BTG4: variants seen among roughly 807,000 people sequenced by gnomAD.
BTG4 encodes BTG anti-proliferation factor 4, also known as protein BTG4.
A neutral mutation model predicts 19.3 loss-of-function variants in BTG4; 10 were observed. The observed-to-expected ratio is 0.52, with a 90% confidence interval of 0.32 to 0.88. BTG4 has a LOEUF of 0.88. BTG4 is among the 40% of genes least tolerant of loss of function. The pLI is 0.04. For missense variants in BTG4, 238 were observed against 281.9 expected, an observed-to-expected ratio of 0.84 and a Z score of 1.11; for synonymous variants, 91 against 95.7, an observed-to-expected ratio of 0.95 and a Z score of 0.29.
chr11:111,384,106 T>C, the BTG4 span, among the ~76,000 whole-genome samples: 1 of 152,246 alleles, frequency 6.6e-6, no homozygotes, highest in Admixed American at 6.5e-5. Flanking sequence ...GTTTTATTTA[T>C]TCTAATAGTT....
the BTG4 span, among the ~76,000 whole-genome samples, chr11:111,405,301 G>A: frequency 6.6e-6 from 1 of 150,676 alleles, no homozygotes; most frequent in African/African-American, 2.4e-5. Flanking sequence ...CTACTTGGGA[G>A]GCTGAGGCAG....
chr11:111,416,439 C>A, the BTG4 span: 4 of 152,004 alleles, frequency 2.6e-5, no homozygotes, highest in African/African-American at 9.7e-5. Flanking sequence ...GCATACACAC[C>A]CCAGACCTCA....
chr11:111,434,728 T>G, the BTG4 span, among the ~76,000 whole-genome samples: 1 of 149,680 alleles, frequency 6.7e-6, no homozygotes, highest in African/African-American at 2.5e-5. Context: ...AGTTTGTCCG[T>G]AGTGAATTAG....
At chr11:111,495,674 A>C (rs938307181) in intron 4 of BTG4, among the ~76,000 whole-genome samples, 13 of 152,312 alleles carry the variant, frequency 8.5e-5, no homozygotes, top group Admixed American at 6.5e-4. Context: ...TAAACACCTA[A>C]GATGATGGAT....
At chr11:111,432,873 G>A in the BTG4 span, among the ~76,000 whole-genome samples, 1 of 146,122 alleles carries the variant, frequency 6.8e-6, no homozygotes, top group South Asian at 2.2e-4. Flanking sequence ...TTTCTTTTTT[G>A]TAGAGACAAG....
chr11:111,456,341 C>T, the BTG4 span, among the ~76,000 whole-genome samples: 2 of 152,132 alleles, frequency 1.3e-5, no homozygotes, highest in Non-Finnish European at 2.9e-5. This position sits in a 1 kb window ranked among gnomAD's most constrained non-coding sequence, Gnocchi z 4.2. Flanking sequence ...TGGAATACTG[C>T]TCTGGAGTTA....
the BTG4 span, among the ~76,000 whole-genome samples, chr11:111,421,516 C>T: frequency 6.6e-6 from 1 of 152,194 alleles, no homozygotes; most frequent in Non-Finnish European, 1.5e-5. Flanking sequence ...CATCTGGCTA[C>T]CAATTAACTG....
chr11:111,511,776 A>T (rs1653705924), intron 1 of BTG4, among the ~76,000 whole-genome samples: 1 of 152,102 alleles, frequency 6.6e-6, no homozygotes, highest in African/African-American at 2.4e-5. Flanking sequence ...TGAATATCCA[A>T]ATGTACTCGT....
At chr11:111,424,810 T>G in the BTG4 span, among the ~76,000 whole-genome samples, 5 of 152,128 alleles carry the variant, frequency 3.3e-5, 1 homozygote, top group African/African-American at 1.2e-4. Flanking sequence ...ATACAAAAAT[T>G]AGCCAGGCGT....
At chr11:111,499,145 A>T (rs1865916148) in intron 1 of BTG4, among the ~76,000 whole-genome samples, 1 of 152,260 alleles carries the variant, frequency 6.6e-6, no homozygotes, top group Non-Finnish European at 1.5e-5. Context: ...TTTTAAAGAT[A>T]TATTAACAAA....
the BTG4 span, chr11:111,455,028 G>C: frequency 2.2e-6 from 1 of 456,144 alleles, no homozygotes; most frequent in East Asian, 6.9e-5. Flanking sequence ...GGGGAACAAG[G>C]CGCTGCCTCC....
chr11:111,443,453 G>A, the BTG4 span, among the ~76,000 whole-genome samples: 1 of 152,142 alleles, frequency 6.6e-6, no homozygotes, highest in African/African-American at 2.4e-5. Flanking sequence ...AAGAGAAGAA[G>A]CTGGGTGTGA....
chr11:111,465,610 T>G (rs1863673302), downstream of BTG4, among the ~76,000 whole-genome samples: 1 of 152,188 alleles, frequency 6.6e-6, no homozygotes, highest in Non-Finnish European at 1.5e-5. Context: ...TCAGCTGGAA[T>G]TCAATCCCCA....
At chr11:111,503,234 T>C (rs1489982109) in intron 1 of BTG4, among the ~76,000 whole-genome samples, 1 of 152,198 alleles carries the variant, frequency 6.6e-6, no homozygotes, top group African/African-American at 2.4e-5. Context: ...ATGTTATCAT[T>C]GAAAGAATGA....
Position 111,498,721 on chromosome 11 carries a change from T to G in BTG4, c.56A>C (p.His19Pro), listed in dbSNP as rs767794533. The stretch of plus-strand genomic sequence containing the variant: ...TATTTGCTGTTTACTTAGTTTATCA[T>G]GTTTTTTCACCAATCTTGTGACAAA... ...VFFVTRLVKK[H>P]DKLSKQQIED... Residue 19 changes from histidine to proline, a missense_variant, in exon 2 of 5, where the codon CAT becomes CCT. By Grantham distance (77) the His-to-Pro change is moderately conservative (BLOSUM62 -2). Coordinates refer to ENST00000692032, the MANE Select transcript of BTG4 (RefSeq NM_001367975.1). 6.2e-7 allele frequency: 1 copy of G among 1,613,454 alleles called. No homozygotes were observed. The highest frequency in any genetic ancestry group is 2.2e-5 in the East Asian group (1 of 44,878).
intron 5 of BTG4, among the ~76,000 whole-genome samples, chr11:111,480,255 T>C (rs932568254): frequency 6.6e-6 from 1 of 152,098 alleles, no homozygotes; most frequent in African/African-American, 2.4e-5. Flanking sequence ...GAACATTACA[T>C]AATGATGAAA....
chr11:111,437,671 C>T, the BTG4 span, among the ~76,000 whole-genome samples: 6,773 of 152,192 alleles, frequency 0.045, 216 homozygotes, highest in Non-Finnish European at 0.071. Flanking sequence ...CCTAGACCCC[C>T]ACCTGTATCC....
intron 5 of BTG4, among the ~76,000 whole-genome samples, chr11:111,475,923 C>T (rs544125207): frequency 7.2e-5 from 11 of 152,132 alleles, no homozygotes; most frequent in African/African-American, 2.6e-4. Flanking sequence ...GCTTGTGCAG[C>T]GGAACTCCCA....
At chr11:111,385,213 A>T in the BTG4 span, 1 of 152,154 alleles carries the variant, frequency 6.6e-6, no homozygotes, top group African/African-American at 2.4e-5. Flanking sequence ...TAAATTTTAA[A>T]CATTTAACTT....
Sources: allele counts gnomAD v4.1 joint callset (sites outside exome capture counted in the v4.1 genomes callset), GRCh38; gene constraint gnomAD v4.1.1; non-coding constraint Gnocchi (gnomAD v3.1); transcripts MANE v1.5; gene names NCBI Gene and HGNC (gene_info 2026-07-23, HGNC 2026-07-21).